Variants in ZSCAN25 observed in about 807,000 individuals in gnomAD.
ZSCAN25 encodes the protein zinc finger and SCAN domain containing 25.
Under a neutral mutation model 38.7 loss-of-function variants are expected in ZSCAN25, and 27 were observed. The observed-to-expected ratio is 0.70, with a 90% CI of 0.51 to 0.96. The LOEUF is 0.96. Among genes scored for constraint, ZSCAN25 ranks in the 40% least tolerant of loss-of-function variants. The pLI is 0.00. For missense variants in ZSCAN25, 637 were observed against 705.9 expected (o/e 0.90, Z 1.11); for synonymous variants, 273 against 277.7 (o/e 0.98, Z 0.17).
At chr7:99,732,258 C>A in the ZSCAN25 span, among the ~76,000 whole-genome samples, 1,021 of 152,272 alleles carry the variant, frequency 6.7e-3, 6 homozygotes, top group African/African-American at 0.024. Context: ...CTGCCTGCTT[C>A]TTTTTCACCT....
chr7:99,664,055 A>G, the ZSCAN25 span: 1 of 1,597,462 alleles, frequency 6.3e-7, no homozygotes, highest in South Asian at 1.2e-5. Context: ...ACAGAGAGAC[A>G]TTTAATGCTT....
At chr7:99,650,331 C>T in the ZSCAN25 span, 3 of 1,085,290 alleles carry the variant, frequency 2.8e-6, no homozygotes, top group Admixed American at 4.0e-5. Flanking sequence ...CTCCACCTCC[C>T]AACCAGTAGT....
At chr7:99,678,949 G>A in the ZSCAN25 span, among the ~76,000 whole-genome samples, 1 of 152,160 alleles carries the variant, frequency 6.6e-6, no homozygotes, top group East Asian at 1.9e-4. Context: ...ACCAGTGAGA[G>A]GGTTTGCCCT....
chr7:99,640,690 G>C, the ZSCAN25 span, among the ~76,000 whole-genome samples: 2 of 152,142 alleles, frequency 1.3e-5, no homozygotes, highest in Non-Finnish European at 2.9e-5. Context: ...CTCAGGGAAG[G>C]ATATACTTCC....
At chr7:99,683,070 G>A in the ZSCAN25 span, among the ~76,000 whole-genome samples, 2 of 152,054 alleles carry the variant, frequency 1.3e-5, no homozygotes, top group African/African-American at 4.8e-5. Flanking sequence ...ATATCATTTG[G>A]AAATCATTTT....
chr7:99,672,916 T>A, the ZSCAN25 span: 2 of 1,305,392 alleles, frequency 1.5e-6, no homozygotes, highest in Non-Finnish European at 1.9e-6. Context: ...GGAAGAGATA[T>A]TGAAAGACAA....
the ZSCAN25 span, among the ~76,000 whole-genome samples, chr7:99,669,192 T>C: frequency 6.6e-6 from 1 of 152,244 alleles, no homozygotes; most frequent in Non-Finnish European, 1.5e-5. Context: ...GACTTTTTCT[T>C]GTTGAGGCAA....
the ZSCAN25 span, among the ~76,000 whole-genome samples, chr7:99,721,124 C>T: frequency 3.9e-5 from 6 of 152,186 alleles, no homozygotes; most frequent in Non-Finnish European, 5.9e-5. Flanking sequence ...CTGAGGCCAC[C>T]TTATAAAATC....
the ZSCAN25 span, among the ~76,000 whole-genome samples, chr7:99,711,285 T>C: frequency 6.6e-6 from 1 of 152,224 alleles, no homozygotes; most frequent in Non-Finnish European, 1.5e-5. Context: ...AAAAATGTAA[T>C]TCATTTTAGC....
chr7:99,680,540 C>G, the ZSCAN25 span, among the ~76,000 whole-genome samples: 1 of 152,152 alleles, frequency 6.6e-6, no homozygotes, highest in Non-Finnish European at 1.5e-5. Flanking sequence ...CAGAGGTGAG[C>G]TCCTCAAGGG....
the ZSCAN25 span, chr7:99,685,105 T>G: frequency 1.4e-6 from 2 of 1,479,254 alleles, no homozygotes; most frequent in Non-Finnish European, 1.9e-6. Context: ...GGTCACAGCT[T>G]TTTTGAAGAG....
the ZSCAN25 span, chr7:99,665,282 G>T: frequency 6.2e-7 from 1 of 1,614,142 alleles, no homozygotes; most frequent in Non-Finnish European, 8.5e-7. Flanking sequence ...TGATGTGCCA[G>T]TAATCACATC....
At chr7:99,662,959 A>G in the ZSCAN25 span, 2 of 1,588,294 alleles carry the variant, frequency 1.3e-6, no homozygotes, top group Non-Finnish European at 1.7e-6. The surrounding 1 kb of genome is among the most constrained non-coding windows in gnomAD (Gnocchi z 4.3). Flanking sequence ...GCAGTCCTCA[A>G]CCTCCCTTCT....
the ZSCAN25 span, chr7:99,647,361 G>C: frequency 4.8e-6 from 2 of 414,360 alleles, no homozygotes; most frequent in Non-Finnish European, 6.5e-6. Flanking sequence ...CCCACCTAAT[G>C]GCTTTAGTAT....
the ZSCAN25 span, among the ~76,000 whole-genome samples, chr7:99,644,904 C>T: frequency 1.3e-5 from 2 of 152,130 alleles, no homozygotes; most frequent in Admixed American, 1.3e-4. Context: ...ACTGCAGACA[C>T]TCCTGATGCA....
At chr7:99,682,814 A>G in the ZSCAN25 span, among the ~76,000 whole-genome samples, 1 of 152,134 alleles carries the variant, frequency 6.6e-6, no homozygotes, top group Admixed American at 6.5e-5. Context: ...AGTGTTTTAC[A>G]ATATTAATTG....
chr7:99,637,311 A>G (rs1469891109), downstream of ZSCAN25, among the ~76,000 whole-genome samples: 1 of 152,116 alleles, frequency 6.6e-6, no homozygotes, highest in African/African-American at 2.4e-5. Flanking sequence ...GTTTTGCCCA[A>G]AAGTCACTTA....
At position 99,629,104 on chromosome 7, in the gene ZSCAN25, G is replaced by A; in HGVS notation, c.806-87G>A. ...CAAAGGAAAAAAGAGAAGGAACCAT[G>A]AATGGGACCCCTGTGAAGCAGAGTT... On this transcript the variant is annotated intron_variant, in intron 7 of 7. Coordinates refer to ENST00000394152, the MANE Select transcript of ZSCAN25 (RefSeq NM_145115.3). The surrounding 1 kb of genome is among the most constrained non-coding windows in gnomAD (Gnocchi z 5.6). The A allele has an allele frequency of 6.7e-7, 1 of 1,498,464 alleles. No individual in the cohort carries two copies. Among genetic ancestry groups the A allele is most frequent in the Non-Finnish European group, 8.9e-7 (1 of 1,122,242 alleles). The allele number at this position is 1,498,464 out of a possible 1,614,324, so 92.8% of individuals were successfully genotyped here.
chr7:99,731,273 AAAT>A, the ZSCAN25 span: 1 of 1,090,926 alleles, frequency 9.2e-7, no homozygotes, highest in Non-Finnish European at 1.3e-6. Flanking sequence ...AGGCAATAAA[AAAT>A]AACAGTAACT....
Sources: gnomAD v4.1 joint callset for allele counts (sites outside exome capture counted in the v4.1 genomes callset) on GRCh38, gnomAD v4.1.1 for gene constraint, Gnocchi (gnomAD v3.1) non-coding constraint, MANE v1.5 for transcripts, NCBI Gene and HGNC (gene_info 2026-07-23, HGNC 2026-07-21) for gene names.